The following DSCAM variants were observed in gnomAD, a reference collection of about 807,000 sequenced individuals.
DSCAM encodes the protein DS cell adhesion molecule.
In DSCAM, 47 loss-of-function variants were observed where a neutral mutation model predicts 217.7. That is an observed-to-expected ratio of 0.22 (90% CI 0.17 to 0.28). The LOEUF (loss-of-function observed/expected upper bound fraction) is 0.28. Among genes scored for constraint, DSCAM ranks in the 10% least tolerant of loss-of-function variants. DSCAM has a pLI of 1.00. For synonymous variants in DSCAM, 1,056 were observed against 1,015.3 expected (o/e 1.04, Z -0.76); for missense variants, 2,080 against 2,618.3 (o/e 0.79, Z 4.49).
intron 12 of DSCAM, 38 bp downstream of exon 12, chr21:40,189,004 A>G: frequency 6.3e-7 from 1 of 1,591,486 alleles, no homozygotes; most frequent in South Asian, 1.1e-5. Flanking sequence ...TCTTCCAATA[A>G]AGTTCATTCC....
At chr21:40,656,191 T>C (rs2090073743) in intron 3 of DSCAM, among the ~76,000 whole-genome samples, 1 of 152,230 alleles carries the variant, frequency 6.6e-6, no homozygotes, top group South Asian at 2.1e-4. Context: ...GGGGGACACA[T>C]ACATTCAAAC....
Position 40,080,275 on chromosome 21 carries a change from C to T in DSCAM, c.4297G>A (p.Glu1433Lys), listed in dbSNP as rs2089436177. ...QWGSFPISPSERSYRLENLKC... is the reference protein window; with the variant it reads ...QWGSFPISPSKRSYRLENLKC... ...AGATTTTCCAAGCGATAGGAACGTT[C>T]GCTGGGGCTGATTGGAAAACTCCCC... is the stretch of plus-strand genomic sequence containing the variant. Residue 1433 changes from glutamate to lysine, a missense_variant, in exon 25 of 33, where the codon GAA becomes AAA. Physicochemically the swap from Glu to Lys is moderately conservative, Grantham distance 56. Coordinates refer to ENST00000400454, the MANE Select transcript of DSCAM (RefSeq NM_001389.5). The T allele has an allele frequency of 1.2e-6, 2 of 1,613,522 alleles. No homozygotes were observed. The highest frequency in any genetic ancestry group is 1.7e-6 in the Non-Finnish European group (2 of 1,179,922).
intron 3 of DSCAM, among the ~76,000 whole-genome samples, chr21:40,499,996 G>A (rs1373081494): frequency 6.6e-6 from 1 of 152,046 alleles, no homozygotes; most frequent in Non-Finnish European, 1.5e-5. Flanking sequence ...GGCTAGGATG[G>A]TCTCGATCTC....
At chr21:40,110,643 A>T (rs747691269) in intron 20 of DSCAM, among the ~76,000 whole-genome samples, 13 of 152,232 alleles carry the variant, frequency 8.5e-5, no homozygotes, top group Non-Finnish European at 1.6e-4. Flanking sequence ...GTTTGAACCC[A>T]TGGCAAAGAA....
chr21:40,732,770 T>C (rs2091025485), intron 1 of DSCAM, among the ~76,000 whole-genome samples: 1 of 152,222 alleles, frequency 6.6e-6, no homozygotes, highest in Admixed American at 6.5e-5. Context: ...GGACTTAAAA[T>C]GTGAAGAAAG....
chr21:40,222,066 C>T (rs185273336), intron 11 of DSCAM, among the ~76,000 whole-genome samples: 203 of 152,174 alleles, frequency 1.3e-3, no homozygotes, highest in African/African-American at 4.5e-3. Context: ...ATGAAGTGAG[C>T]CTGTCACTTC....
intron 24 of DSCAM, 64 bp from the exon 25 acceptor site, chr21:40,080,404 G>A (rs1283616904): frequency 4.4e-6 from 6 of 1,355,836 alleles, no homozygotes; most frequent in Non-Finnish European, 6.0e-6. Flanking sequence ...GTGGACTGAT[G>A]CTTGCATTTT....
chr21:40,595,977 G>A lies in DSCAM; in HGVS notation c.508+96833C>T, dbSNP rs144920870. On this transcript the variant is annotated intron_variant, in intron 3 of 32. Transcript: ENST00000400454. ...CTGTGCTCTGTGTGAGTGCATGTGC[G>A]TGTCTGGACTGATTCTTAGGCCCTG... 2.3e-4 allele frequency among the ~76,000 whole-genome samples: 35 copies of A among 152,334 alleles called. No individual in the cohort carries two copies. The East Asian group carries it at 5.2e-3, about 23-fold the overall frequency.
At chr21:40,340,355 A>C (rs2074477868) in intron 6 of DSCAM, among the ~76,000 whole-genome samples, 1 of 152,156 alleles carries the variant, frequency 6.6e-6, no homozygotes, top group African/African-American at 2.4e-5. Flanking sequence ...TCTATCATCC[A>C]TATGGTTTTT....
chr21:40,783,731 G>A (rs2091567617), intron 1 of DSCAM, among the ~76,000 whole-genome samples: 1 of 152,186 alleles, frequency 6.6e-6, no homozygotes. Flanking sequence ...CTTGTCACAT[G>A]TAAAACTGCA....
At chr21:40,445,119 C>A (rs1569126695) in intron 3 of DSCAM, among the ~76,000 whole-genome samples, 1 of 152,162 alleles carries the variant, frequency 6.6e-6, no homozygotes, top group Admixed American at 6.5e-5. Context: ...GACAAGGCAG[C>A]CCCTTCAACA....
intron 26 of DSCAM, among the ~76,000 whole-genome samples, chr21:40,075,572 A>T (rs2089354738): frequency 6.6e-6 from 1 of 152,204 alleles, no homozygotes; most frequent in Admixed American, 6.5e-5. Context: ...ATTGATAGAG[A>T]CTATTCGAAA....
intron 1 of DSCAM, among the ~76,000 whole-genome samples, chr21:40,838,084 TTATTA>T: frequency 6.6e-6 from 1 of 152,234 alleles, no homozygotes; most frequent in Non-Finnish European, 1.5e-5. Context: ...ATAAGTTTCC[TTATTA>T]TATAGGAAAT....
At chr21:40,102,604 G>T (rs2089766633) in intron 20 of DSCAM, among the ~76,000 whole-genome samples, 1 of 152,172 alleles carries the variant, frequency 6.6e-6, no homozygotes, top group Non-Finnish European at 1.5e-5. Context: ...GCCTTGTGGT[G>T]TTGATATAAT....
chr21:40,442,770 A>G (rs879854290), intron 3 of DSCAM, among the ~76,000 whole-genome samples: 3 of 152,104 alleles, frequency 2.0e-5, no homozygotes, highest in Non-Finnish European at 2.9e-5. Flanking sequence ...TCGGCCTCCC[A>G]AAGTGCTGGG....
At chr21:40,786,600 G>A (rs527444429) in intron 1 of DSCAM, among the ~76,000 whole-genome samples, 5 of 152,258 alleles carry the variant, frequency 3.3e-5, no homozygotes, top group African/African-American at 1.2e-4. Context: ...TGCTGCAGGG[G>A]ACATGGCATC....
At chr21:40,330,907 C>T (rs549271914) in intron 8 of DSCAM, among the ~76,000 whole-genome samples, 22 of 152,264 alleles carry the variant, frequency 1.4e-4, no homozygotes, top group Non-Finnish European at 7.4e-5. Flanking sequence ...TTCCCCAGGT[C>T]TATATTTCTC....
At chr21:40,675,945 ATTAGTAAAAAGCAGCATCGTC>A (rs1305153683) in intron 3 of DSCAM, among the ~76,000 whole-genome samples, 5 of 152,208 alleles carry the variant, frequency 3.3e-5, no homozygotes, top group African/African-American at 4.8e-5. Flanking sequence ...TATAGCCACT[ATTAGTAAAAAGCAGCATCGTC>A]TTAGATCCAG....
intron 16 of DSCAM, among the ~76,000 whole-genome samples, chr21:40,152,970 G>A (rs947332126): frequency 4.6e-5 from 7 of 152,274 alleles, no homozygotes; most frequent in African/African-American, 1.7e-4. Flanking sequence ...TTTCACGTTT[G>A]AAGAATGCTG....
Sources: gnomAD v4.1 joint callset for allele counts (sites outside exome capture counted in the v4.1 genomes callset) on GRCh38, gnomAD v4.1.1 for gene constraint, MANE v1.5 for transcripts, NCBI Gene and HGNC (gene_info 2026-07-23, HGNC 2026-07-21) for gene names.